The following OR5AC2 variants were observed in gnomAD, a reference collection of about 807,000 sequenced individuals.
The protein encoded by OR5AC2 is olfactory receptor 5AC2.
For synonymous variants in OR5AC2, 172 were observed against 136.3 expected (o/e 1.26, Z -1.82); for missense variants, 448 against 375.3 (o/e 1.19, Z -1.60).
chr3:98,087,653 C>T lies in OR5AC2; in HGVS notation c.481C>T (p.His161Tyr). 2 of 1,613,536 alleles carry T rather than the reference C, an allele frequency of 1.2e-6. No individual in the cohort carries two copies. The highest frequency in any genetic ancestry group is 1.7e-6 in the Non-Finnish European group (2 of 1,179,916). ...YVIGFLHPLV[H>Y]VSLLLRLTFC... ...AATTGGTTTCCTGCATCCTCTGGTT[C>T]ATGTGAGTTTACTATTGCGACTAAC... is the stretch of plus-strand genomic sequence containing the variant. The change falls in exon 1 of 1, where the codon CAT (histidine) becomes TAT (tyrosine). Residue 161 changes from histidine to tyrosine, a missense_variant. By Grantham distance (83) the His-to-Tyr change is moderately conservative. Coordinates refer to ENST00000358642, the MANE Select transcript of OR5AC2 (RefSeq NM_054106.1).
In OR5AC2 at chr3:98,088,075, T is replaced by A. The variant is rs1264596993; in HGVS notation, c.903T>A (p.His301Gln). The change falls in exon 1 of 1, where the codon CAT (histidine) becomes CAA (glutamine). Residue 301 changes from histidine (H) to glutamine (Q), a missense_variant. Physicochemically the swap from His to Gln is conservative, Grantham distance 24. Coordinates refer to ENST00000358642, the MANE Select transcript of OR5AC2 (RefSeq NM_054106.1). The part of the protein sequence containing the change: ...IYSLRNKKVM[H>Q]ALRRVIRK ...GCTTGAGAAATAAAAAAGTCATGCA[T>A]GCATTGAGAAGAGTTATAAGGAAGT... 2 of 1,607,624 alleles carry A rather than the reference T, an allele frequency of 1.2e-6. No homozygotes were observed. The highest frequency in any genetic ancestry group is 3.4e-5 in the Admixed American group (2 of 59,360).
At position 98,087,932 on chromosome 3, in the gene OR5AC2, T is replaced by A. The variant is rs780345069; in HGVS notation, c.760T>A (p.Tyr254Asn). ...CCATCTGCTTTCTGTCTCATTGTACTACGGAACTCTGATCTTCATGTATGT... is the reference window on the plus strand; with the variant it reads ...CCATCTGCTTTCTGTCTCATTGTACAACGGAACTCTGATCTTCATGTATGT... ...GAHLLSVSLY[Y>N]GTLIFMYVRP... Residue 254 changes from tyrosine to asparagine, a missense_variant, in exon 1 of 1, where the codon TAC becomes AAC. By Grantham distance (143) the Tyr-to-Asn change is moderately radical. Transcript: ENST00000358642. 39 of 1,614,070 alleles carry A rather than the reference T, an allele frequency of 2.4e-5. No homozygotes were observed. Among genetic ancestry groups the A allele is most frequent in the Non-Finnish European group, 3.3e-5 (39 of 1,180,036 alleles).
rs1576076854 is a variant in OR5AC2 at position 98,087,475 on chromosome 3, C to A, written c.303C>A (p.Thr101=). The change falls in exon 1 of 1, where the codon ACC becomes ACA. Residue 101 remains threonine, a synonymous_variant. Transcript: ENST00000358642. The part of the protein sequence containing the change: ...TAMISLAECI[T]QFYFFASSAT... ...TGATATCCCTAGCTGAGTGCATCAC[C>A]CAGTTTTACTTTTTTGCTTCCAGTG... 6.2e-7 allele frequency: 1 copy of A among 1,614,168 alleles called. No individual in the cohort carries two copies. Among genetic ancestry groups the A allele is most frequent in the East Asian group, 2.2e-5 (1 of 44,888 alleles).
chr3:98,087,904 C>T lies in OR5AC2; in HGVS notation c.732C>T (p.Gly244=), dbSNP rs143543004. Residue 244 remains glycine (G), a synonymous_variant, in exon 1 of 1, where the codon GGC becomes GGT. Coordinates refer to ENST00000358642, the MANE Select transcript of OR5AC2 (RefSeq NM_054106.1). ...GAAGCAAAGCCTTCTCCACATGCGGCGCCCATCTGCTTTCTGTCTCATTGT... is the reference window on the plus strand; with the variant it reads ...GAAGCAAAGCCTTCTCCACATGCGGTGCCCATCTGCTTTCTGTCTCATTGT... ...KGRSKAFSTC[G]AHLLSVSLYY... 332 of 1,613,870 alleles carry T rather than the reference C, an allele frequency of 2.1e-4. No homozygotes were observed. The African/African-American group carries it at 3.5e-3, about 17-fold the overall frequency.
rs762844793 is a variant in OR5AC2 at position 98,087,965 on chromosome 3, G to C, written c.793G>C (p.Ala265Pro). Residue 265 changes from alanine (A) to proline (P), a missense_variant, in exon 1 of 1, where the codon GCA (alanine) becomes CCA (proline). Transcript: ENST00000358642. ...TCTGATCTTCATGTATGTGCGTCCT[G>C]CATCTGGCTTAGCTGAAGACCAAGA... ...GTLIFMYVRP[A>P]SGLAEDQDKV... 1 of 1,614,010 alleles carries C rather than the reference G, an allele frequency of 6.2e-7. No homozygotes were observed. Among genetic ancestry groups the C allele is most frequent in the East Asian group, 2.2e-5 (1 of 44,894 alleles).
rs747697086 is a variant in OR5AC2 at position 98,087,405 on chromosome 3, C to G, written c.233C>G (p.Ser78Cys). The G allele has an allele frequency of 1.4e-4, 231 of 1,614,040 alleles. 2 individuals carry two copies. Among genetic ancestry groups the G allele is most frequent in the Non-Finnish European group, 3.1e-5 (36 of 1,180,002 alleles). Residue 78 changes from serine (S) to cysteine (C), a missense_variant, in exon 1 of 1, where the codon TCT (serine) becomes TGT (cysteine). By Grantham distance (112) the Ser-to-Cys change is moderately radical (BLOSUM62 -1). Transcript: ENST00000358642. ...LAFSDACTST[S>C]ITPRMLVNFL... ...TTTTCAGATGCTTGTACTTCAACCT[C>G]TATAACCCCTAGGATGCTGGTCAAT... is the stretch of plus-strand genomic sequence containing the variant.
chr3:98,087,909 A>G lies in OR5AC2; in HGVS notation c.737A>G (p.His246Arg). 6.2e-7 allele frequency: 1 copy of G among 1,613,968 alleles called. No homozygotes were observed. The highest frequency in any genetic ancestry group is 8.5e-7 in the Non-Finnish European group (1 of 1,179,908). ...RSKAFSTCGA[H>R]LLSVSLYYGT... ...AAAGCCTTCTCCACATGCGGCGCCCATCTGCTTTCTGTCTCATTGTACTAC... is the reference window on the plus strand; with the variant it reads ...AAAGCCTTCTCCACATGCGGCGCCCGTCTGCTTTCTGTCTCATTGTACTAC... Residue 246 changes from histidine (H) to arginine (R), a missense_variant, in exon 1 of 1, where the codon CAT becomes CGT. By Grantham distance (29) the His-to-Arg change is conservative (BLOSUM62 0). Transcript: ENST00000358642.
At position 98,087,231 on chromosome 3, in the gene OR5AC2, C is replaced by G. The variant is rs1179228701; in HGVS notation, c.59C>G (p.Thr20Arg). The G allele has an allele frequency of 6.2e-7, 1 of 1,614,012 alleles. No individual in the cohort carries two copies. Among genetic ancestry groups the G allele is most frequent in the Admixed American group, 1.7e-5 (1 of 60,004 alleles). ...ACAGAGTTTGTTCTCACAGGACTTA[C>G]AGATCGACCATGGCTGCACGTCCTC... The part of the protein sequence containing the change: ...LVTEFVLTGL[T>R]DRPWLHVLFF... Residue 20 changes from threonine to arginine, a missense_variant, in exon 1 of 1, where the codon ACA (threonine) becomes AGA (arginine). Physicochemically the swap from Thr to Arg is moderately conservative, Grantham distance 71. Coordinates refer to ENST00000358642, the MANE Select transcript of OR5AC2 (RefSeq NM_054106.1).
At position 98,088,069 on chromosome 3, in the gene OR5AC2, C is replaced by T. The variant is rs941730518; in HGVS notation, c.897C>T (p.Val299=). ...TTTACAGCTTGAGAAATAAAAAAGT[C>T]ATGCATGCATTGAGAAGAGTTATAA... ...PFIYSLRNKK[V]MHALRRVIRK is the part of the protein sequence containing the mutation. Residue 299 remains valine, a synonymous_variant, in exon 1 of 1, where the codon GTC becomes GTT. Coordinates refer to ENST00000358642, the MANE Select transcript of OR5AC2 (RefSeq NM_054106.1). 82 of 1,608,020 alleles carry T rather than the reference C, an allele frequency of 5.1e-5. No individual in the cohort carries two copies. Among genetic ancestry groups the T allele is most frequent in the Non-Finnish European group, 7.0e-5 (82 of 1,175,882 alleles).
In OR5AC2 at chr3:98,087,333, A is replaced by G; in HGVS notation, c.161A>G (p.Asp54Gly). Residue 54 changes from aspartate (D) to glycine (G), a missense_variant, in exon 1 of 1, where the codon GAC (aspartate) becomes GGC (glycine). By Grantham distance (94) the Asp-to-Gly change is moderately conservative (BLOSUM62 -1). Transcript: ENST00000358642. ...GGACTGATAGTTCTAATTTGGAACGACCCCCATCTTCATATGCCCATGTAC... is the reference window on the plus strand; with the variant it reads ...GGACTGATAGTTCTAATTTGGAACGGCCCCCATCTTCATATGCCCATGTAC... ...NLGLIVLIWN[D>G]PHLHMPMYLF... 1 of 1,611,272 alleles carries G rather than the reference A, an allele frequency of 6.2e-7. No homozygotes were observed. The highest frequency in any genetic ancestry group is 1.3e-5 in the African/African-American group (1 of 74,178).
Position 98,087,670 on chromosome 3 carries a change from G to A in OR5AC2, c.498G>A (p.Leu166=), listed in dbSNP as rs751421687. 16 of 1,612,980 alleles carry A rather than the reference G, an allele frequency of 9.9e-6. No homozygotes were observed. In the Middle Eastern group the frequency reaches 4.9e-4, roughly 50 times the overall value. The change falls in exon 1 of 1, where the codon TTG becomes TTA. Residue 166 remains leucine, a synonymous_variant. Transcript: ENST00000358642. Reference sequence around the variant, plus strand: ...CTCTGGTTCATGTGAGTTTACTATTGCGACTAACTTTCTGCAGGTTTAACA... The same window carrying A: ...CTCTGGTTCATGTGAGTTTACTATTACGACTAACTTTCTGCAGGTTTAACA... ...LHPLVHVSLL[L]RLTFCRFNII...
chr3:98,087,729 T>G lies in OR5AC2; in HGVS notation c.557T>G (p.Leu186Arg). The G allele has an allele frequency of 6.2e-7, 1 of 1,612,124 alleles. No individual in the cohort carries two copies. The highest frequency in any genetic ancestry group is 1.3e-5 in the African/African-American group (1 of 75,042). ...TATTTCTACTGTGAAATTTTACAAC[T>G]GTTCAAAATTTCATGCAATGGTCCA... ...IHYFYCEILQ[L>R]FKISCNGPSI... Residue 186 changes from leucine (L) to arginine (R), a missense_variant, in exon 1 of 1, where the codon CTG becomes CGG. Transcript: ENST00000358642.
rs761364333 is a variant in OR5AC2 at position 98,087,978 on chromosome 3, C to T, written c.806C>T (p.Ala269Val). The T allele has an allele frequency of 5.0e-6, 8 of 1,614,086 alleles. No individual in the cohort carries two copies. Among genetic ancestry groups the T allele is most frequent in the Non-Finnish European group, 6.8e-6 (8 of 1,179,972 alleles). ...FMYVRPASGL[A>V]EDQDKVYSLF... ...TATGTGCGTCCTGCATCTGGCTTAG[C>T]TGAAGACCAAGACAAAGTGTATTCT... Residue 269 changes from alanine (A) to valine (V), a missense_variant, in exon 1 of 1, where the codon GCT (alanine) becomes GTT (valine). Coordinates refer to ENST00000358642, the MANE Select transcript of OR5AC2 (RefSeq NM_054106.1).
At position 98,087,542 on chromosome 3, in the gene OR5AC2, C is replaced by T. The variant is rs771158027; in HGVS notation, c.370C>T (p.Arg124Cys). The change falls in exon 1 of 1, where the codon CGC becomes TGC. Residue 124 changes from arginine to cysteine, a missense_variant. Coordinates refer to ENST00000358642, the MANE Select transcript of OR5AC2 (RefSeq NM_054106.1). Reference sequence around the variant, plus strand: ...CCTCCTGGTGATGATGGCCTATGACCGCTATGTAGCCATATGTAATCCCTT... The same window carrying T: ...CCTCCTGGTGATGATGGCCTATGACTGCTATGTAGCCATATGTAATCCCTT... Reference protein sequence around the residue: ...CFLLVMMAYDRYVAICNPLLY... With the variant: ...CFLLVMMAYDCYVAICNPLLY... 107 of 1,613,922 alleles carry T rather than the reference C, an allele frequency of 6.6e-5. No individual in the cohort carries two copies. The highest frequency in any genetic ancestry group is 1.6e-4 in the Middle Eastern group (1 of 6,084).
Position 98,087,200 on chromosome 3 carries a change from C to G in OR5AC2, c.28C>G (p.Leu10Val). The G allele has an allele frequency of 1.2e-6, 2 of 1,611,816 alleles. No homozygotes were observed. The highest frequency in any genetic ancestry group is 1.7e-6 in the Non-Finnish European group (2 of 1,178,850). The change falls in exon 1 of 1, where the codon CTT (leucine) becomes GTT (valine). Residue 10 changes from leucine to valine, a missense_variant. Leu to Val is a conservative substitution (Grantham distance 32). Coordinates refer to ENST00000358642, the MANE Select transcript of OR5AC2 (RefSeq NM_054106.1). ...GGATATATCAGAGGGAAATAAGACT[C>G]TTGTGACAGAGTTTGTTCTCACAGG... Reference protein sequence around the residue: MDISEGNKTLVTEFVLTGLT... With the variant: MDISEGNKTVVTEFVLTGLT...
Position 98,087,905 on chromosome 3 carries a change from G to A in OR5AC2, c.733G>A (p.Ala245Thr), listed in dbSNP as rs565646972. ...GRSKAFSTCG[A>T]HLLSVSLYYG... The stretch of plus-strand genomic sequence containing the variant: ...AAGCAAAGCCTTCTCCACATGCGGC[G>A]CCCATCTGCTTTCTGTCTCATTGTA... The change falls in exon 1 of 1, where the codon GCC becomes ACC. Residue 245 changes from alanine (A) to threonine (T), a missense_variant. By Grantham distance (58) the Ala-to-Thr change is moderately conservative (BLOSUM62 0). Transcript: ENST00000358642. The A allele has an allele frequency of 6.7e-5, 108 of 1,613,770 alleles. No individual in the cohort carries two copies. In the South Asian group the frequency reaches 8.1e-4, roughly 12 times the overall value.
At position 98,087,355 on chromosome 3, in the gene OR5AC2, G is replaced by A. The variant is rs1707771614; in HGVS notation, c.183G>A (p.Met61Ile). The A allele has an allele frequency of 2.5e-6, 4 of 1,614,058 alleles. No homozygotes were observed. The East Asian group carries it at 6.7e-5, about 27-fold the overall frequency. The change falls in exon 1 of 1, where the codon ATG becomes ATA. Residue 61 changes from methionine (M) to isoleucine (I), a missense_variant. Physicochemically the swap from Met to Ile is conservative, Grantham distance 10. Transcript: ENST00000358642. ...IWNDPHLHMPMYLFLGGLAFS... is the reference protein window; with the variant it reads ...IWNDPHLHMPIYLFLGGLAFS... ...ACGACCCCCATCTTCATATGCCCATGTACTTATTCCTTGGTGGTTTAGCCT... is the reference window on the plus strand; with the variant it reads ...ACGACCCCCATCTTCATATGCCCATATACTTATTCCTTGGTGGTTTAGCCT...
Position 98,087,619 on chromosome 3 carries a change from T to A in OR5AC2, c.447T>A (p.Ile149=), listed in dbSNP as rs1707777426. The change falls in exon 1 of 1, where the codon ATT becomes ATA. Residue 149 remains isoleucine (I), a synonymous_variant. Transcript: ENST00000358642. ...SNKLSAQLLS[I]SYVIGFLHPL... ...AACTCAGCGCTCAGTTGCTAAGTAT[T>A]TCATATGTAATTGGTTTCCTGCATC... 1 of 1,613,938 alleles carries A rather than the reference T, an allele frequency of 6.2e-7. No individual in the cohort carries two copies. Among genetic ancestry groups the A allele is most frequent in the Non-Finnish European group, 8.5e-7 (1 of 1,179,962 alleles).
chr3:98,087,614 A>T lies in OR5AC2; in HGVS notation c.442A>T (p.Ser148Cys). ...CAACAAACTCAGCGCTCAGTTGCTA[A>T]GTATTTCATATGTAATTGGTTTCCT... is the stretch of plus-strand genomic sequence containing the variant. ...MSNKLSAQLL[S>C]ISYVIGFLHP... Residue 148 changes from serine (S) to cysteine (C), a missense_variant, in exon 1 of 1, where the codon AGT (serine) becomes TGT (cysteine). Coordinates refer to ENST00000358642, the MANE Select transcript of OR5AC2 (RefSeq NM_054106.1). 2 of 1,613,934 alleles carry T rather than the reference A, an allele frequency of 1.2e-6. No homozygotes were observed. Among genetic ancestry groups the T allele is most frequent in the Non-Finnish European group, 1.7e-6 (2 of 1,179,990 alleles).
Sources: gnomAD v4.1 joint callset for allele counts on GRCh38, gnomAD v4.1.1 for gene constraint, MANE v1.5 for transcripts, NCBI Gene and HGNC (gene_info 2026-07-23, HGNC 2026-07-21) for gene names.